SDK1: variants seen among roughly 807,000 people sequenced by gnomAD.
SDK1 encodes protein sidekick-1.
A neutral mutation model predicts 245.5 loss-of-function variants in SDK1; 157 were observed. The observed-to-expected ratio is 0.64, with a 90% CI of 0.56 to 0.73. SDK1 has a LOEUF of 0.73. SDK1 is among the 30% of genes least tolerant of loss of function. SDK1 has a pLI of 0.00. For synonymous variants in SDK1, 1,647 were observed against 1,278.5 expected (o/e 1.29, Z -6.15); for missense variants, 3,583 against 3,002.3 (o/e 1.19, Z -4.52).
At chr7:3,901,824 A>G (rs1421473680) in intron 5 of SDK1, among the ~76,000 whole-genome samples, 1 of 152,074 alleles carries the variant, frequency 6.6e-6, no homozygotes, top group Non-Finnish European at 1.5e-5. Context: ...CCTTCTTCAC[A>G]TTTCCATTCC....
rs1780677744 is a variant in SDK1, at chr7:3,948,742, G to A, written c.848-2181G>A. Among the ~76,000 whole-genome samples the A allele has an allele frequency of 3.9e-5, 6 of 152,188 alleles. No homozygotes were observed. The South Asian group carries it at 1.0e-3, about 26-fold the overall frequency. On this transcript the variant is annotated intron_variant, in intron 5 of 44. Coordinates refer to ENST00000404826, the MANE Select transcript of SDK1 (RefSeq NM_152744.4). ...AGCACAGCCCCTTGGAGTCTGCCAG[G>A]AGCTGAGCCCCCACCAGTCTGGGGA... is the stretch of plus-strand genomic sequence containing the variant.
intron 1 of SDK1, among the ~76,000 whole-genome samples, chr7:3,572,296 G>C (rs973996894): frequency 6.6e-6 from 1 of 151,978 alleles, no homozygotes; most frequent in Non-Finnish European, 1.5e-5. Flanking sequence ...GTCAAGTAAG[G>C]TGTTTTTGAT....
At chr7:4,070,029 A>T (rs1780149727) in intron 20 of SDK1, among the ~76,000 whole-genome samples, 2 of 152,082 alleles carry the variant, frequency 1.3e-5, no homozygotes, top group African/African-American at 2.4e-5. Flanking sequence ...CATCTCCATA[A>T]TTTCTCAAAG....
At chr7:3,370,908 C>T (rs530164849) in intron 1 of SDK1, among the ~76,000 whole-genome samples, 2 of 152,248 alleles carry the variant, frequency 1.3e-5, no homozygotes, top group South Asian at 4.1e-4. Flanking sequence ...TCCACTAGCT[C>T]CTTTCTCTCC....
intron 4 of SDK1, among the ~76,000 whole-genome samples, chr7:3,791,675 G>A (rs139411158): frequency 1.0e-3 from 155 of 152,272 alleles, no homozygotes; most frequent in African/African-American, 3.5e-3. Context: ...CCCACTCAGC[G>A]GAATCCAATT....
chr7:4,106,618 G>A (rs1451701406), intron 22 of SDK1, among the ~76,000 whole-genome samples: 2 of 152,202 alleles, frequency 1.3e-5, no homozygotes, highest in South Asian at 2.1e-4. Flanking sequence ...TGACCGTGCA[G>A]TGGTTTCCCA....
intron 4 of SDK1, among the ~76,000 whole-genome samples, chr7:3,688,185 C>G (rs973012987): frequency 1.3e-5 from 2 of 152,202 alleles, no homozygotes; most frequent in African/African-American, 2.4e-5. Flanking sequence ...ATTACTATTT[C>G]AAAACAACTG....
At chr7:4,123,898 C>G (rs1398545750) in intron 25 of SDK1, among the ~76,000 whole-genome samples, 1 of 152,216 alleles carries the variant, frequency 6.6e-6, no homozygotes, top group South Asian at 2.1e-4. Flanking sequence ...CCTCCCAGGG[C>G]TCTCAGGATC....
At chr7:3,991,653 C>T (rs1333169748) in intron 14 of SDK1, among the ~76,000 whole-genome samples, 1 of 152,176 alleles carries the variant, frequency 6.6e-6, no homozygotes, top group South Asian at 2.1e-4. Context: ...AGCTGGCCGA[C>T]GTTCCCAGCT....
At chr7:3,701,626 T>C (rs1583321333) in intron 4 of SDK1, among the ~76,000 whole-genome samples, 1 of 152,082 alleles carries the variant, frequency 6.6e-6, no homozygotes, top group African/African-American at 2.4e-5. Flanking sequence ...TAAAAGATTA[T>C]TCTAAAATTT....
chr7:3,344,466 G>C (rs1269901149), intron 1 of SDK1, among the ~76,000 whole-genome samples: 4 of 152,118 alleles, frequency 2.6e-5, no homozygotes, highest in Admixed American at 2.6e-4. Flanking sequence ...TTTGAGAACA[G>C]TTTCTCTTGC....
intron 4 of SDK1, among the ~76,000 whole-genome samples, chr7:3,721,608 C>G (rs1393909926): frequency 1.3e-5 from 2 of 152,144 alleles, no homozygotes; most frequent in Admixed American, 1.3e-4. Context: ...GTCTCTTCTG[C>G]TCTAACCAGG....
chr7:4,211,793 T>C (rs1043711521), intron 38 of SDK1, among the ~76,000 whole-genome samples: 1 of 152,162 alleles, frequency 6.6e-6, no homozygotes, highest in Non-Finnish European at 1.5e-5. Context: ...GTATTTTTAG[T>C]AGAGACAGGG....
intron 22 of SDK1, among the ~76,000 whole-genome samples, chr7:4,103,774 T>G (rs1308234629): frequency 2.6e-5 from 4 of 152,174 alleles, no homozygotes; most frequent in African/African-American, 9.7e-5. Context: ...ATGACACATG[T>G]GGTGAGAGGA....
chr7:4,056,575 G>A lies in SDK1; in HGVS notation c.2911+4745G>A, dbSNP rs1252766554. Among the ~76,000 whole-genome samples the A allele has an allele frequency of 2.0e-5, 3 of 152,112 alleles. No homozygotes were observed. The East Asian group carries it at 5.8e-4, about 29-fold the overall frequency. The stretch of plus-strand genomic sequence containing the variant: ...GTTCCCCACTGTGGGAAAAGGGAAA[G>A]GGAGAGACCCCCGTGGTCCACATTC... On this transcript the variant is annotated intron_variant, in intron 19 of 44. Transcript: ENST00000404826.
At position 3,396,096 on chromosome 7, in the gene SDK1, C is replaced by T. The variant is rs577683699; in HGVS notation, c.298+94212C>T. On this transcript the variant is annotated intron_variant, in intron 1 of 44. Coordinates refer to ENST00000404826, the MANE Select transcript of SDK1 (RefSeq NM_152744.4). Reference sequence around the variant, plus strand: ...TTAATATAGGAATGTTAACACTATACGTTTTTTTCTAAGTCTTGTGTTAGC... The same window carrying T: ...TTAATATAGGAATGTTAACACTATATGTTTTTTTCTAAGTCTTGTGTTAGC... 2.6e-4 allele frequency among the ~76,000 whole-genome samples: 39 copies of T among 151,692 alleles called. 1 individual carries two copies. Among genetic ancestry groups the T allele is most frequent in the Admixed American group, 2.4e-3 (36 of 15,206 alleles).
At chr7:3,597,163 T>C (rs531573458) in intron 1 of SDK1, among the ~76,000 whole-genome samples, 2 of 150,914 alleles carry the variant, frequency 1.3e-5, no homozygotes, top group South Asian at 2.1e-4. Context: ...TCCCAGCTAC[T>C]CAGGAGGCCG....
Position 3,654,666 on chromosome 7 carries a change from A to G in SDK1, c.713+12561A>G, listed in dbSNP as rs73039702. On this transcript the variant is annotated intron_variant, in intron 4 of 44. Transcript: ENST00000404826. ...ATGACACTGTCCCTGCTGCTTCAGGAGAAAGGGCACATCACAGATAGAGAA... is the reference window on the plus strand; with the variant it reads ...ATGACACTGTCCCTGCTGCTTCAGGGGAAAGGGCACATCACAGATAGAGAA... 7.0e-3 allele frequency among the ~76,000 whole-genome samples: 1,068 copies of G among 152,270 alleles called. 6 individuals are homozygous for G. Among genetic ancestry groups the G allele is most frequent in the Non-Finnish European group, 9.9e-3 (674 of 68,014 alleles).
At chr7:3,377,714 G>A (rs768772282) in intron 1 of SDK1, among the ~76,000 whole-genome samples, 2 of 152,010 alleles carry the variant, frequency 1.3e-5, no homozygotes, top group Non-Finnish European at 2.9e-5. Flanking sequence ...AGGGCAGGGG[G>A]CTGTGTGTGG....
Sources: gnomAD v4.1 joint callset for allele counts (sites outside exome capture counted in the v4.1 genomes callset) on GRCh38, gnomAD v4.1.1 for gene constraint, MANE v1.5 for transcripts, NCBI Gene and HGNC (gene_info 2026-07-23, HGNC 2026-07-21) for gene names.